Variants in QTMAN observed in about 807,000 individuals in gnomAD.
QTMAN encodes tRNA-queuosine alpha-mannosyltransferase.
chr2:144,148,699 G>A, the QTMAN span, among the ~76,000 whole-genome samples: 5 of 151,536 alleles, frequency 3.3e-5, no homozygotes, highest in East Asian at 1.9e-4. Context: ...CAGCTTATCC[G>A]TAACCAAAGA....
chr2:143,956,585 C>A, the QTMAN span, among the ~76,000 whole-genome samples: 2 of 151,918 alleles, frequency 1.3e-5, no homozygotes, highest in Admixed American at 6.6e-5. Flanking sequence ...AGGAAAAAGA[C>A]CATTATGTTA....
At chr2:144,162,904 C>T in the QTMAN span, among the ~76,000 whole-genome samples, 1 of 152,054 alleles carries the variant, frequency 6.6e-6, no homozygotes, top group Non-Finnish European at 1.5e-5. Context: ...CCTGACTGTG[C>T]CCAGCTAGGG....
At chr2:144,292,291 T>G in the QTMAN span, among the ~76,000 whole-genome samples, 1 of 152,176 alleles carries the variant, frequency 6.6e-6, no homozygotes, top group African/African-American at 2.4e-5. Context: ...GACTCTTCAA[T>G]CATACAAGGC....
the QTMAN span, among the ~76,000 whole-genome samples, chr2:144,181,813 A>C: frequency 1.3e-5 from 2 of 152,150 alleles, no homozygotes; most frequent in Non-Finnish European, 2.9e-5. Flanking sequence ...CCTATCTCAA[A>C]AATAAAAATC....
the QTMAN span, among the ~76,000 whole-genome samples, chr2:144,262,874 A>ATAT: frequency 1.9e-5 from 1 of 52,666 alleles, no homozygotes; most frequent in African/African-American, 7.8e-5. Context: ...GGAGAGGAGA[A>ATAT]GGGAGGGGAG....
the QTMAN span, among the ~76,000 whole-genome samples, chr2:144,142,998 G>A: frequency 9.2e-5 from 14 of 152,100 alleles, no homozygotes; most frequent in African/African-American, 3.4e-4. Flanking sequence ...ATGCTAGGCA[G>A]CAGCAGTGAG....
chr2:144,297,440 T>C, the QTMAN span, among the ~76,000 whole-genome samples: 1 of 152,128 alleles, frequency 6.6e-6, no homozygotes, highest in South Asian at 2.1e-4. Flanking sequence ...ATGACTTTTC[T>C]GGTCCCTCAT....
At chr2:144,159,330 T>C in the QTMAN span, among the ~76,000 whole-genome samples, 1 of 152,024 alleles carries the variant, frequency 6.6e-6, no homozygotes, top group East Asian at 1.9e-4. Flanking sequence ...GTTAAAACGG[T>C]CCCCCATATT....
At chr2:144,101,469 G>C in the QTMAN span, among the ~76,000 whole-genome samples, 1 of 151,966 alleles carries the variant, frequency 6.6e-6, no homozygotes, top group Non-Finnish European at 1.5e-5. Flanking sequence ...ATAGTGAAAT[G>C]ATATGCTTAC....
At chr2:144,034,726 T>A in the QTMAN span, among the ~76,000 whole-genome samples, 1 of 152,220 alleles carries the variant, frequency 6.6e-6, no homozygotes, top group African/African-American at 2.4e-5. Context: ...GGAGTTCAAT[T>A]AAAGTCAATG....
At chr2:144,218,449 T>C in the QTMAN span, among the ~76,000 whole-genome samples, 5 of 152,206 alleles carry the variant, frequency 3.3e-5, no homozygotes, top group Non-Finnish European at 7.4e-5. Context: ...GCATTTTTTA[T>C]TGGACAGAAA....
chr2:144,267,278 C>T, the QTMAN span, among the ~76,000 whole-genome samples: 1,339 of 152,156 alleles, frequency 8.8e-3, 14 homozygotes, highest in African/African-American at 0.03. Flanking sequence ...AATAAGTAAA[C>T]GCCTAGCAAA....
chr2:144,240,339 T>C, the QTMAN span, among the ~76,000 whole-genome samples: 3 of 152,220 alleles, frequency 2.0e-5, no homozygotes, highest in Non-Finnish European at 4.4e-5. Flanking sequence ...AGTAAATGAT[T>C]TCATGCCTTG....
the QTMAN span, among the ~76,000 whole-genome samples, chr2:144,238,239 GAAGTAGCCAAC>G: frequency 6.6e-6 from 1 of 152,184 alleles, no homozygotes; most frequent in Non-Finnish European, 1.5e-5. Flanking sequence ...GCAAATCAAG[GAAGTAGCCAAC>G]TACAAATGAG....
the QTMAN span, among the ~76,000 whole-genome samples, chr2:144,045,969 A>T: frequency 4.6e-5 from 7 of 152,216 alleles, no homozygotes; most frequent in Non-Finnish European, 1.0e-4. Flanking sequence ...AGAACTTTGA[A>T]ATAATCAAAT....
the QTMAN span, among the ~76,000 whole-genome samples, chr2:144,306,624 T>C: frequency 3.9e-5 from 6 of 151,978 alleles, no homozygotes; most frequent in Non-Finnish European, 5.9e-5. Flanking sequence ...AACCTAAAAA[T>C]TTTGAGGGAA....
At chr2:144,082,152 C>T in the QTMAN span, among the ~76,000 whole-genome samples, 2 of 152,146 alleles carry the variant, frequency 1.3e-5, no homozygotes, top group African/African-American at 4.8e-5. Context: ...CTGCCTTGGC[C>T]TCCCAAAATG....
chr2:144,313,240 G>A, the QTMAN span, among the ~76,000 whole-genome samples: 12 of 152,222 alleles, frequency 7.9e-5, no homozygotes, highest in East Asian at 3.9e-4. Flanking sequence ...TCCTATATGC[G>A]GGAAACAGGT....
the QTMAN span, among the ~76,000 whole-genome samples, chr2:144,066,118 T>C: frequency 1.3e-5 from 2 of 152,210 alleles, no homozygotes; most frequent in Non-Finnish European, 2.9e-5. Context: ...CAAGGTTCTT[T>C]TTTTCCCTTT....
Sources: gnomAD v4.1 joint callset for allele counts (sites outside exome capture counted in the v4.1 genomes callset) on GRCh38, gnomAD v4.1.1 for gene constraint, MANE v1.5 for transcripts, NCBI Gene and HGNC (gene_info 2026-07-23, HGNC 2026-07-21) for gene names.